Variants in POLA1 observed in about 807,000 individuals in gnomAD.
The protein encoded by POLA1 is DNA polymerase alpha catalytic subunit.
POLA1 carries 15 observed loss-of-function variants against 124.0 expected under a neutral mutation model. That is an observed-to-expected ratio of 0.12 (90% confidence interval 0.08 to 0.19). The LOEUF is 0.19. Ranked by LOEUF, POLA1 falls within the 10% of genes least tolerant of loss-of-function variation. The probability of loss-of-function intolerance (pLI) is 1.00; values close to 1 mark genes in which losing one functional copy is unlikely to be tolerated. For synonymous variants in POLA1, 408 were observed against 389.4 expected (o/e 1.05, Z -0.56); for missense variants, 886 against 1,103.4 (o/e 0.80, Z 2.79).
rs191601121 is a variant in POLA1 at position 24,956,579 on chromosome X, G to A, written c.4261+26030G>A. ...GAAAATGCTACATTCTATATCCCCC[G>A]CCCCTTTGTTGTTTTCAATGTATAT... On this transcript the variant is annotated intron_variant, in intron 36 of 36. Coordinates refer to ENST00000379068, the MANE Select transcript of POLA1 (RefSeq NM_001330360.2). Among the ~76,000 whole-genome samples the A allele has an allele frequency of 6.4e-3, 710 of 110,407 alleles. 20 individuals are homozygous for A. Among genetic ancestry groups the A allele is most frequent in the Admixed American group, 0.061 (629 of 10,310 alleles).
chrX:24,914,758 A>T (rs1202393709), intron 35 of POLA1, among the ~76,000 whole-genome samples: 1 of 111,626 alleles, frequency 9.0e-6, no homozygotes. Flanking sequence ...TAAAGTTACC[A>T]TTCTTTTATT....
chrX:24,934,266 T>G (rs1414513064), intron 36 of POLA1, among the ~76,000 whole-genome samples: 1 of 112,356 alleles, frequency 8.9e-6, no homozygotes. Context: ...TCAGCAACAG[T>G]AAAAACAATT....
intron 36 of POLA1, among the ~76,000 whole-genome samples, chrX:24,957,529 T>G (rs2048120099): frequency 9.0e-6 from 1 of 111,730 alleles, no homozygotes; most frequent in South Asian, 3.8e-4. Flanking sequence ...GTGATGTTTA[T>G]GGATGAATAT....
intron 35 of POLA1, among the ~76,000 whole-genome samples, chrX:24,913,819 G>A (rs948588335): frequency 9.1e-6 from 1 of 110,128 alleles, no homozygotes; most frequent in African/African-American, 3.3e-5. Flanking sequence ...CCCAAGATCG[G>A]GAGTTCGAGA....
chrX:24,974,126 T>C (rs1349558753), intron 36 of POLA1, among the ~76,000 whole-genome samples: 2 of 111,177 alleles, frequency 1.8e-5, no homozygotes, highest in African/African-American at 6.6e-5. Flanking sequence ...AATGAGCCTT[T>C]CTAACAGAGG....
At chrX:24,845,823 G>A (rs186953704) in intron 34 of POLA1, among the ~76,000 whole-genome samples, 1 of 112,076 alleles carries the variant, frequency 8.9e-6, no homozygotes, top group East Asian at 2.8e-4. Flanking sequence ...CATAAAAGTT[G>A]TTTGTGAAAT....
At chrX:24,995,441 G>T (rs1000842976) in intron 36 of POLA1, among the ~76,000 whole-genome samples, 16 of 111,895 alleles carry the variant, frequency 1.4e-4, no homozygotes, top group Non-Finnish European at 1.9e-4. Context: ...TTCCTGCCAC[G>T]TCCAGACTTC....
At chrX:24,742,175 T>G in intron 22 of POLA1, 54 bp downstream of exon 22, 1 of 692,982 alleles carries the variant, frequency 1.4e-6, no homozygotes, top group Non-Finnish European at 2.1e-6. Flanking sequence ...CCCCCCCTTT[T>G]AATACCTAGA....
At chrX:24,714,171 T>G (rs756220695) in intron 4 of POLA1, among the ~76,000 whole-genome samples, 8 of 112,266 alleles carry the variant, frequency 7.1e-5, no homozygotes, top group Non-Finnish European at 1.3e-4. Flanking sequence ...TTTGTTTTGT[T>G]TTTTGAGATG....
intron 34 of POLA1, among the ~76,000 whole-genome samples, chrX:24,876,300 T>C (rs2046930757): frequency 8.9e-6 from 1 of 112,251 alleles, no homozygotes; most frequent in African/African-American, 3.2e-5. Flanking sequence ...GCTTTTTTAT[T>C]GTTAGCATTA....
intron 36 of POLA1, among the ~76,000 whole-genome samples, chrX:24,971,360 G>C (rs2048300377): frequency 8.9e-6 from 1 of 112,379 alleles, no homozygotes; most frequent in Non-Finnish European, 1.9e-5. Flanking sequence ...ATGAAACCTG[G>C]GTGTCCATAT....
At chrX:24,789,405 G>A (rs1198779621) in intron 26 of POLA1, among the ~76,000 whole-genome samples, 1 of 111,505 alleles carries the variant, frequency 9.0e-6, no homozygotes, top group Admixed American at 9.5e-5. Flanking sequence ...AATCTCATTG[G>A]CAATAGCATA....
intron 10 of POLA1, among the ~76,000 whole-genome samples, chrX:24,719,687 G>C (rs11573329): frequency 0.044 from 4,870 of 111,283 alleles, 288 homozygotes; most frequent in African/African-American, 0.15. Flanking sequence ...ATTACTCCCC[G>C]TACTTTGCTG....
chrX:24,828,250 C>T (rs888905609), intron 32 of POLA1, among the ~76,000 whole-genome samples: 1 of 112,485 alleles, frequency 8.9e-6, no homozygotes, highest in Admixed American at 9.4e-5. Context: ...GTGATAAGTA[C>T]TTTGCATTTG....
intron 36 of POLA1, among the ~76,000 whole-genome samples, chrX:24,947,286 G>T (rs1362714189): frequency 1.4e-3 from 37 of 26,270 alleles, no homozygotes; most frequent in Non-Finnish European, 5.9e-4. Context: ...TTTTTTTTTT[G>T]AGACAGAGTC....
chrX:24,854,650 C>T (rs762504411), intron 34 of POLA1, among the ~76,000 whole-genome samples: 1 of 110,019 alleles, frequency 9.1e-6, no homozygotes, highest in East Asian at 2.9e-4. Context: ...GCCAACATGG[C>T]GAAACCTGTC....
intron 15 of POLA1, among the ~76,000 whole-genome samples, chrX:24,728,317 C>G (rs1930670933): frequency 9.0e-6 from 1 of 111,647 alleles, no homozygotes; most frequent in Non-Finnish European, 1.9e-5. Flanking sequence ...GACATTGTGT[C>G]ATTTTCCCTG....
At chrX:24,905,000 G>A (rs2047341613) in intron 35 of POLA1, among the ~76,000 whole-genome samples, 1 of 102,814 alleles carries the variant, frequency 9.7e-6, no homozygotes, top group Admixed American at 1.0e-4. Flanking sequence ...CTCCAGCCTG[G>A]GCAACAGAGC....
chrX:24,766,396 TG>T (rs1230341602), intron 26 of POLA1, among the ~76,000 whole-genome samples: 2 of 111,986 alleles, frequency 1.8e-5, no homozygotes, highest in Non-Finnish European at 3.8e-5. Flanking sequence ...GGTGCTTCGT[TG>T]GTATTTGTTG....
Sources: gnomAD v4.1 joint callset for allele counts (sites outside exome capture counted in the v4.1 genomes callset) on GRCh38, gnomAD v4.1.1 for gene constraint, MANE v1.5 for transcripts, NCBI Gene and HGNC (gene_info 2026-07-23, HGNC 2026-07-21) for gene names.